Variants in FANCI observed in about 807,000 individuals in gnomAD.
The protein encoded by FANCI is FA complementation group I.
A neutral mutation model predicts 176.1 loss-of-function variants in FANCI; 156 were observed. The observed-to-expected ratio is 0.89, with a 90% CI of 0.78 to 1.01. FANCI has a LOEUF of 1.01. FANCI is among the 50% of genes least tolerant of loss of function. The probability of loss-of-function intolerance (pLI) is 0.00; values close to 1 mark genes in which losing one functional copy is unlikely to be tolerated. For missense variants in FANCI, 1,678 were observed against 1,534.1 expected (o/e 1.09, Z -1.57); for synonymous variants, 613 against 541.7 (o/e 1.13, Z -1.83).
intron 1 of FANCI, chr15:89,245,167 C>CTTTTTTTTTTT (rs1567132810): frequency 5.8e-5 from 7 of 121,276 alleles, no homozygotes; most frequent in African/African-American, 2.5e-4. Context: ...CTTTTCTTTT[C>CTTTTTTTTTTT]TTTTCTTTTC....
At position 89,299,872 on chromosome 15, in the gene FANCI, C is replaced by T; in HGVS notation, c.2709C>T (p.Ser903=). ...EESGKKEKGK[S]ISLLCLEGLQ... is the part of the protein sequence containing the mutation. ...CGGGAAAGAAAGAGAAAGGAAAGAG[C>T]ATCTCACTGCTGTGCTTGGAGGGTT... is the stretch of plus-strand genomic sequence containing the variant. The change falls in exon 25 of 38, where the codon AGC becomes AGT. Residue 903 remains serine, a synonymous_variant. Transcript: ENST00000310775. The T allele has an allele frequency of 6.2e-7, 1 of 1,613,992 alleles. No homozygotes were observed. Among genetic ancestry groups the T allele is most frequent in the Non-Finnish European group, 8.5e-7 (1 of 1,179,954 alleles).
intron 24 of FANCI, among the ~76,000 whole-genome samples, chr15:89,295,455 T>G (rs2054221783): frequency 6.6e-6 from 1 of 151,528 alleles, no homozygotes; most frequent in Non-Finnish European, 1.5e-5. Flanking sequence ...TACCTGAGGT[T>G]GGGAGTTCGA....
rs2052159505 is a variant in FANCI, at chr15:89,249,821, A to G, written c.84+2090A>G. Among the ~76,000 whole-genome samples the G allele has an allele frequency of 1.3e-5, 2 of 152,344 alleles. 1 individual carries two copies. The highest frequency in any genetic ancestry group is 4.1e-4 in the South Asian group (2 of 4,832). ...AGTAAAGTGGAATACAGAGCTGAGG[A>G]TAACTAAATAAAGCACAGATTGTAA... On this transcript the variant is annotated intron_variant, in intron 2 of 37. Coordinates refer to ENST00000310775, the MANE Select transcript of FANCI (RefSeq NM_001113378.2).
At chr15:89,268,314 G>A (rs1313532116) in intron 9 of FANCI, 85 bp from the exon 10 acceptor site, 39 of 1,458,586 alleles carry the variant, frequency 2.7e-5, no homozygotes, top group East Asian at 2.3e-4. Context: ...CAAGTGATGC[G>A]CCCGCCTTGG....
rs371681771 is a variant in FANCI at position 89,294,791 on chromosome 15, G to A, written c.2457-124G>A. 9.9e-5 allele frequency: 95 copies of A among 963,716 alleles called. No homozygotes were observed. In the African/African-American group the frequency reaches 1.2e-3, roughly 12 times the overall value. 59.7% of individuals were successfully genotyped at this position (963,716 alleles called of 1,614,324 possible). On this transcript the variant is annotated intron_variant, in intron 23 of 37. Coordinates refer to ENST00000310775, the MANE Select transcript of FANCI (RefSeq NM_001113378.2). ...GGGCTGCCTAGAGAGTCTGCCAGTCGGAACTTACTGGCAAGCTCTGTTGGG... is the reference window on the plus strand; with the variant it reads ...GGGCTGCCTAGAGAGTCTGCCAGTCAGAACTTACTGGCAAGCTCTGTTGGG...
At position 89,299,981 on chromosome 15, in the gene FANCI, A is replaced by G. The variant is rs372343510; in HGVS notation, c.2803+15A>G. The G allele has an allele frequency of 6.2e-7, 1 of 1,613,666 alleles. No individual in the cohort carries two copies. The highest frequency in any genetic ancestry group is 1.7e-5 in the Admixed American group (1 of 60,008). On this transcript the variant is annotated intron_variant, in intron 25 of 37. Coordinates refer to ENST00000310775, the MANE Select transcript of FANCI (RefSeq NM_001113378.2). The stretch of plus-strand genomic sequence containing the variant: ...CAGAGCTCTGGGTAAGCATTGCAGT[A>G]TCAATAAATAGGCTTGATTTAGGTT...
At chr15:89,270,840 C>T (rs1185147067) in intron 10 of FANCI, among the ~76,000 whole-genome samples, 1 of 152,128 alleles carries the variant, frequency 6.6e-6, no homozygotes, top group East Asian at 1.9e-4. Context: ...CAAGGCTCAC[C>T]ATAGTACTTT....
chr15:89,307,981 T>C, intron 34 of FANCI: 1 of 1,267,088 alleles, frequency 7.9e-7, no homozygotes, highest in Non-Finnish European at 1.0e-6. Context: ...GTCCATGCCA[T>C]GAGGCATCCT....
At chr15:89,258,654 T>C in intron 2 of FANCI, 50 bp from the exon 3 acceptor site, 6 of 1,363,290 alleles carry the variant, frequency 4.4e-6, no homozygotes, top group Non-Finnish European at 6.3e-6. Flanking sequence ...TTTAGGTCAT[T>C]GGGGTAAAAG....
In FANCI at chr15:89,312,273, G is replaced by A. The variant is rs542746177; in HGVS notation, c.3652-631G>A. Among the ~76,000 whole-genome samples, 338 of 152,178 alleles carry A rather than the reference G, an allele frequency of 2.2e-3. 1 individual carries two copies. Among genetic ancestry groups the A allele is most frequent in the Non-Finnish European group, 4.3e-3 (295 of 68,008 alleles). On this transcript the variant is annotated intron_variant, in intron 34 of 37. Coordinates refer to ENST00000310775, the MANE Select transcript of FANCI (RefSeq NM_001113378.2). ...GAATATTCCTGCTACCACCTTGACA[G>A]TCCCCATTTTAACCATTCTTTAGTA...
intron 14 of FANCI, among the ~76,000 whole-genome samples, chr15:89,280,511 T>C (rs545551892): frequency 6.6e-6 from 1 of 152,222 alleles, no homozygotes; most frequent in Non-Finnish European, 1.5e-5. Flanking sequence ...CCTTTATATA[T>C]GTAGGCCTTT....
chr15:89,247,641 A>G lies in FANCI; in HGVS notation c.-7A>G, dbSNP rs751801215. The G allele has an allele frequency of 1.9e-6, 3 of 1,613,380 alleles. No homozygotes were observed. Among genetic ancestry groups the G allele is most frequent in the South Asian group, 1.1e-5 (1 of 91,062 alleles). On this transcript the variant is annotated 5_prime_UTR_variant, in exon 2 of 38. Coordinates refer to ENST00000310775, the MANE Select transcript of FANCI (RefSeq NM_001113378.2). ...TTTTCCCTTGTAGTTCTGTGATATG[A>G]GCAACAATGGACCAGAAGATTTTAT... is the stretch of plus-strand genomic sequence containing the variant.
intron 2 of FANCI, among the ~76,000 whole-genome samples, chr15:89,255,175 T>G (rs1004602113): frequency 3.3e-5 from 5 of 152,160 alleles, no homozygotes; most frequent in Admixed American, 1.3e-4. Flanking sequence ...GGAGTATTGA[T>G]TAGTTGTTTT....
At chr15:89,259,264 C>G (rs2052621553) in intron 3 of FANCI, 2 of 159,980 alleles carry the variant, frequency 1.3e-5, no homozygotes, top group Non-Finnish European at 2.8e-5. Context: ...TTTATAAATT[C>G]TGGTAGGATA....
intron 36 of FANCI, 127 bp downstream of exon 36, chr15:89,314,834 T>TCCCCCCCC (rs1567180820): frequency 3.0e-6 from 1 of 331,368 alleles, no homozygotes; most frequent in Non-Finnish European, 5.3e-6. Flanking sequence ...CCATCCCCCC[T>TCCCCCCCC]CTCCCCCCCC....
chr15:89,304,543 G>A (rs1357796289), intron 28 of FANCI, among the ~76,000 whole-genome samples: 3 of 152,216 alleles, frequency 2.0e-5, no homozygotes, highest in African/African-American at 7.2e-5. Flanking sequence ...TACTCGTAAT[G>A]TACTTGATCT....
chr15:89,273,831 G>C (rs1186340702), intron 11 of FANCI, among the ~76,000 whole-genome samples: 3 of 152,180 alleles, frequency 2.0e-5, no homozygotes, highest in Non-Finnish European at 4.4e-5. Context: ...TAGTTGCAAG[G>C]ATGAAATTTA....
chr15:89,275,083 CTTTTTTT>C (rs530017776), intron 12 of FANCI, among the ~76,000 whole-genome samples: 1 of 114,986 alleles, frequency 8.7e-6, no homozygotes, highest in Non-Finnish European at 1.7e-5. Flanking sequence ...GGCCTTTCTT[CTTTTTTT>C]TTTTTTTTTT....
chr15:89,303,648 T>C lies in FANCI; in HGVS notation c.3007-216T>C, dbSNP rs7495763. ...AAACTTTTGGACCTCAGTAAGGACATAGACATTGAGAATTAAATTATATAT... is the reference window on the plus strand; with the variant it reads ...AAACTTTTGGACCTCAGTAAGGACACAGACATTGAGAATTAAATTATATAT... On this transcript the variant is annotated intron_variant, in intron 27 of 37. Coordinates refer to ENST00000310775, the MANE Select transcript of FANCI (RefSeq NM_001113378.2). 0.99 allele frequency among the ~76,000 whole-genome samples: 150,982 copies of C among 152,356 alleles called. 74,821 individuals carry two copies. Among genetic ancestry groups the C allele is most frequent in the Middle Eastern group, 1 (294 of 294 alleles).
Sources: allele counts gnomAD v4.1 joint callset (sites outside exome capture counted in the v4.1 genomes callset), GRCh38; gene constraint gnomAD v4.1.1; transcripts MANE v1.5; gene names NCBI Gene and HGNC (gene_info 2026-07-23, HGNC 2026-07-21).